CLASP1: variants seen among roughly 807,000 people sequenced by gnomAD.
CLASP1 encodes the protein cytoplasmic linker associated protein 1.
In CLASP1, 38 loss-of-function variants were observed where a neutral mutation model predicts 192.3. That is an observed-to-expected ratio of 0.20 (90% confidence interval 0.15 to 0.26). The LOEUF (loss-of-function observed/expected upper bound fraction) is 0.26, where lower values mean the gene tolerates loss of function less well. CLASP1 is among the 10% of genes least tolerant of loss of function. The pLI is 1.00. For synonymous variants in CLASP1, 691 were observed against 712.8 expected (o/e 0.97, Z 0.49); for missense variants, 1,433 against 1,932.5 (o/e 0.74, Z 4.85).
intron 32 of CLASP1, among the ~76,000 whole-genome samples, chr2:121,385,416 A>C (rs1251593332): frequency 1.3e-5 from 2 of 152,236 alleles, no homozygotes; most frequent in South Asian, 2.1e-4. Context: ...ATTGAAAATA[A>C]ATCTCTTTGT....
intron 2 of CLASP1, among the ~76,000 whole-genome samples, chr2:121,602,430 CAT>C (rs1269218323): frequency 6.6e-6 from 1 of 152,094 alleles, no homozygotes; most frequent in African/African-American, 2.4e-5. Flanking sequence ...ATACCAATGA[CAT>C]TCTTCACAGA....
At chr2:121,340,746 T>C in exon 40 of CLASP1, 1 of 721,362 alleles carries the variant, frequency 1.4e-6, no homozygotes, top group Non-Finnish European at 2.4e-6. Flanking sequence ...CTGATTGTAA[T>C]AAATATTTGT....
At chr2:121,452,432 T>C (rs767541566) in intron 14 of CLASP1, among the ~76,000 whole-genome samples, 30 of 152,188 alleles carry the variant, frequency 2.0e-4, no homozygotes, top group Non-Finnish European at 3.8e-4. Flanking sequence ...TGATTTTTCT[T>C]GGTCTGATTT....
intron 2 of CLASP1, among the ~76,000 whole-genome samples, chr2:121,559,965 A>G (rs1251463022): frequency 2.0e-5 from 3 of 152,180 alleles, no homozygotes; most frequent in Non-Finnish European, 2.9e-5. Flanking sequence ...GAAAAAAGAC[A>G]TTAGTGGAAA....
At chr2:121,592,036 T>C (rs1045688377) in intron 2 of CLASP1, among the ~76,000 whole-genome samples, 24 of 152,194 alleles carry the variant, frequency 1.6e-4, no homozygotes, top group Non-Finnish European at 2.5e-4. Flanking sequence ...ACCTGTTCAA[T>C]AGATAACTTG....
At chr2:121,408,748 A>G (rs1196386530) in intron 24 of CLASP1, among the ~76,000 whole-genome samples, 6 of 152,222 alleles carry the variant, frequency 3.9e-5, no homozygotes, top group Admixed American at 2.0e-4. Context: ...ACGACGTAAG[A>G]ATAGGCACAA....
chr2:121,362,082 G>A (rs1397950658), intron 37 of CLASP1, among the ~76,000 whole-genome samples: 6 of 152,244 alleles, frequency 3.9e-5, no homozygotes, highest in Admixed American at 6.5e-5. Context: ...CGGAAGAATT[G>A]TGTTAACTAT....
intron 1 of CLASP1, among the ~76,000 whole-genome samples, chr2:121,648,842 C>A (rs1225883154): frequency 6.6e-6 from 1 of 152,250 alleles, no homozygotes; most frequent in African/African-American, 2.4e-5. Flanking sequence ...CGCTCGGCGC[C>A]GCTCGCGCAG....
At chr2:121,568,491 C>T (rs2059702020) in intron 2 of CLASP1, among the ~76,000 whole-genome samples, 2 of 151,228 alleles carry the variant, frequency 1.3e-5, no homozygotes. Context: ...CTTTAATAAC[C>T]ATAACCCAAC....
intron 1 of CLASP1, among the ~76,000 whole-genome samples, chr2:121,648,062 A>G (rs6758050): frequency 0.24 from 36,671 of 152,178 alleles, 6,752 homozygotes; most frequent in African/African-American, 0.51. Context: ...ATAATATTCA[A>G]TACTCTGAGG....
At chr2:121,517,858 CTTTTTT>C (rs70954553) in intron 6 of CLASP1, among the ~76,000 whole-genome samples, 91 of 30,816 alleles carry the variant, frequency 3.0e-3, no homozygotes, top group African/African-American at 0.012. Flanking sequence ...AAGACTCAAG[CTTTTTT>C]TTTTTTTTTT....
At position 121,565,765 on chromosome 2, in the gene CLASP1, G is replaced by C. The variant is rs1186690859; in HGVS notation, c.196-35440C>G. 2.0e-5 allele frequency among the ~76,000 whole-genome samples: 3 copies of C among 152,326 alleles called. 1 individual carries two copies. Among genetic ancestry groups the C allele is most frequent in the African/African-American group, 7.2e-5 (3 of 41,564 alleles). On this transcript the variant is annotated intron_variant, in intron 2 of 39. Transcript: ENST00000263710. Reference sequence around the variant, plus strand: ...ATCATCAGGCATGATCAGCAGATCTGCATGCTCAAGTCTAGATGCTGACAG... The same window carrying C: ...ATCATCAGGCATGATCAGCAGATCTCCATGCTCAAGTCTAGATGCTGACAG...
At chr2:121,518,987 T>G (rs896968679) in intron 6 of CLASP1, among the ~76,000 whole-genome samples, 3 of 152,262 alleles carry the variant, frequency 2.0e-5, no homozygotes, top group Admixed American at 1.3e-4. Context: ...GGATAACATC[T>G]GCTCAGAGCA....
intron 2 of CLASP1, among the ~76,000 whole-genome samples, chr2:121,573,680 C>T (rs1232353952): frequency 3.3e-5 from 5 of 152,154 alleles, no homozygotes; most frequent in Admixed American, 3.3e-4. Flanking sequence ...TGGTTTGTAT[C>T]AGTATCAATA....
At chr2:121,453,481 G>A (rs1449787802) in intron 14 of CLASP1, among the ~76,000 whole-genome samples, 1 of 152,074 alleles carries the variant, frequency 6.6e-6, no homozygotes, top group Non-Finnish European at 1.5e-5. Context: ...GCAGTGGTGG[G>A]GCCAGAGTGG....
chr2:121,462,649 T>C, intron 9 of CLASP1, 44 bp from the exon 10 acceptor site: 1 of 1,114,524 alleles, frequency 9.0e-7, no homozygotes, highest in Non-Finnish European at 1.3e-6. Flanking sequence ...TGAAACAACG[T>C]CTATAACACA....
chr2:121,537,067 G>A (rs1258137372), intron 2 of CLASP1, among the ~76,000 whole-genome samples: 1 of 152,088 alleles, frequency 6.6e-6, no homozygotes, highest in Non-Finnish European at 1.5e-5. Context: ...CTCTGTGAAT[G>A]TACTATAAAC....
chr2:121,473,667 C>T (rs746168658), intron 8 of CLASP1, among the ~76,000 whole-genome samples: 10 of 152,078 alleles, frequency 6.6e-5, no homozygotes, highest in Non-Finnish European at 1.3e-4. Flanking sequence ...GAAAAGCATA[C>T]GGAGGCACAT....
intron 37 of CLASP1, among the ~76,000 whole-genome samples, chr2:121,352,503 T>C (rs552815456): frequency 6.6e-6 from 1 of 152,314 alleles, no homozygotes; most frequent in South Asian, 2.1e-4. Context: ...GCCTTTCACT[T>C]TTTTACCCCG....
Sources: gnomAD v4.1 joint callset for allele counts (sites outside exome capture counted in the v4.1 genomes callset) on GRCh38, gnomAD v4.1.1 for gene constraint, MANE v1.5 for transcripts, NCBI Gene and HGNC (gene_info 2026-07-23, HGNC 2026-07-21) for gene names.